TET3: variants seen among roughly 807,000 people sequenced by gnomAD.
The protein encoded by TET3 is tet methylcytosine dioxygenase 3, also known as methylcytosine dioxygenase TET3.
Under a neutral mutation model 141.4 loss-of-function variants are expected in TET3, and 19 were observed. The ratio of observed to expected loss-of-function variants is 0.13; its 90% confidence interval spans 0.09 to 0.20. TET3 has a LOEUF of 0.20. Among genes scored for constraint, TET3 ranks in the 10% least tolerant of loss-of-function variants. TET3 has a pLI of 1.00. For missense variants in TET3, 1,874 were observed against 2,356.9 expected, an observed-to-expected ratio of 0.80 and a Z score of 4.24; for synonymous variants, 1,043 against 980.9, an observed-to-expected ratio of 1.06 and a Z score of -1.18.
chr2:74,060,543 T>A (rs1018687809), intron 4 of TET3, among the ~76,000 whole-genome samples: 4 of 152,156 alleles, frequency 2.6e-5, no homozygotes, highest in Admixed American at 6.5e-5. Context: ...TATTTTTTTT[T>A]ATTGATCATT....
the TET3 span, among the ~76,000 whole-genome samples, chr2:74,125,148 A>AT: frequency 6.6e-6 from 1 of 152,046 alleles, no homozygotes; most frequent in Non-Finnish European, 1.5e-5. Context: ...CTGGGATTAC[A>AT]GGTGCCTGCC....
intron 4 of TET3, among the ~76,000 whole-genome samples, chr2:74,063,043 C>G (rs980175557): frequency 3.3e-5 from 5 of 151,978 alleles, no homozygotes; most frequent in African/African-American, 1.2e-4. Context: ...ACCACCACGC[C>G]TGGCTAATTT....
rs768114828 is a variant in TET3, at chr2:74,047,169, G to A, written c.1252G>A (p.Ala418Thr). The change falls in exon 4 of 12, where the codon GCT becomes ACT. Residue 418 changes from alanine to threonine, a missense_variant. Ala to Thr is a moderately conservative substitution (Grantham distance 58). This residue lies in a region of TET3 where 484 missense variants were observed against 462.2 expected (regional missense o/e 1.05). Transcript: ENST00000409262. ...VVPPEEHSSFAPDSSAFPPAT... is the reference protein window; with the variant it reads ...VVPPEEHSSFTPDSSAFPPAT... Reference sequence around the variant, plus strand: ...TCCTCCTGAAGAGCACTCATCTTTTGCTCCTGATAGCTCTGCCTTCCCTCC... The same window carrying A: ...TCCTCCTGAAGAGCACTCATCTTTTACTCCTGATAGCTCTGCCTTCCCTCC... 6 of 1,613,902 alleles carry A rather than the reference G, an allele frequency of 3.7e-6. No individual in the cohort carries two copies. In the African/African-American group the frequency reaches 8.0e-5, roughly 22 times the overall value.
At chr2:73,984,515 GC>G (rs943833080), upstream of TET3, among the ~76,000 whole-genome samples, 6 of 152,062 alleles carry the variant, frequency 3.9e-5, no homozygotes, top group Admixed American at 3.3e-4. This position sits in a 1 kb window ranked among gnomAD's most constrained non-coding sequence, Gnocchi z 5.6. Flanking sequence ...GACAGATCTG[GC>G]CCGCAGGGAG....
At chr2:74,119,585 C>A in the TET3 span, among the ~76,000 whole-genome samples, 1 of 152,140 alleles carries the variant, frequency 6.6e-6, no homozygotes, top group South Asian at 2.1e-4. Flanking sequence ...AAGGCAATGT[C>A]CAGCAAATGT....
chr2:73,994,759 T>C (rs1684505120), intron 2 of TET3, among the ~76,000 whole-genome samples: 1 of 150,846 alleles, frequency 6.6e-6, no homozygotes, highest in Admixed American at 6.6e-5. Context: ...TGCCTCATTC[T>C]CCTAGGTAGC....
intron 3 of TET3, among the ~76,000 whole-genome samples, chr2:74,011,182 C>G (rs944197198): frequency 1.4e-5 from 2 of 138,718 alleles, no homozygotes; most frequent in East Asian, 4.3e-4. Flanking sequence ...GGGCCAAGAT[C>G]GTGCCACTGC....
chr2:74,069,157 A>T (rs572045617), intron 4 of TET3, among the ~76,000 whole-genome samples: 97 of 141,684 alleles, frequency 6.8e-4, no homozygotes, highest in Admixed American at 1.1e-3. Flanking sequence ...TTTTTTTTTT[A>T]TTTTAATCTT....
the TET3 span, among the ~76,000 whole-genome samples, chr2:74,127,529 T>C: frequency 2.0e-5 from 3 of 152,132 alleles, no homozygotes; most frequent in Non-Finnish European, 2.9e-5. Flanking sequence ...ACCAAACGAA[T>C]TGGAGACAGA....
intron 4 of TET3, among the ~76,000 whole-genome samples, chr2:74,056,758 A>C (rs889645811): frequency 1.3e-5 from 2 of 152,240 alleles, no homozygotes. Flanking sequence ...GAACCAAATC[A>C]ATAAAAATAG....
In TET3 at chr2:74,099,670, C is replaced by T. The variant is rs973253513; in HGVS notation, c.3604+58C>T. 3 of 1,456,574 alleles carry T rather than the reference C, an allele frequency of 2.1e-6. No individual in the cohort carries two copies. In the East Asian group the frequency reaches 7.5e-5, roughly 36 times the overall value. 90.2% of individuals were successfully genotyped at this position (1,456,574 alleles called of 1,614,324 possible). A position where few individuals can be genotyped will look rare whatever the true frequency, so the allele number is the denominator to read the frequency against. On this transcript the variant is annotated intron_variant, in intron 11 of 11. Coordinates refer to ENST00000409262, the MANE Select transcript of TET3 (RefSeq NM_001287491.2). ...CAATGGCACTGTCCTCATGGGGGCC[C>T]CTGCTCTTCCACGCACCCTCCTGCA... is the stretch of plus-strand genomic sequence containing the variant.
chr2:74,101,457 T>A lies in TET3; in HGVS notation c.4669T>A (p.Trp1557Arg), dbSNP rs759892078. The change falls in exon 12 of 12, where the codon TGG (tryptophan) becomes AGG (arginine). Residue 1557 changes from tryptophan (W) to arginine (R), a missense_variant. Physicochemically the swap from Trp to Arg is moderately radical, Grantham distance 101. Coordinates refer to ENST00000409262, the MANE Select transcript of TET3 (RefSeq NM_001287491.2). This position sits in a 1 kb window ranked among gnomAD's most constrained non-coding sequence, Gnocchi z 8.5. ...TAGTCCTGGGTTCCAAGACAAGCTG[T>A]GGAACCCCATGAAAGGAGAGGAGGG... is the stretch of plus-strand genomic sequence containing the variant. The part of the protein sequence containing the change: ...KGSPGFQDKL[W>R]NPMKGEEGRI... The A allele has an allele frequency of 1.9e-6, 3 of 1,613,568 alleles. No individual in the cohort carries two copies. In the East Asian group the frequency reaches 6.7e-5, roughly 36 times the overall value.
intron 4 of TET3, among the ~76,000 whole-genome samples, chr2:74,051,920 A>C (rs1687965934): frequency 6.6e-6 from 1 of 152,224 alleles, no homozygotes; most frequent in Non-Finnish European, 1.5e-5. Flanking sequence ...ACCAACGAAG[A>C]GATTTGCTCT....
At chr2:74,038,013 G>A (rs1687157084) in intron 3 of TET3, among the ~76,000 whole-genome samples, 1 of 152,176 alleles carries the variant, frequency 6.6e-6, no homozygotes. Flanking sequence ...GGAGTCCCCT[G>A]GGTGGGGAGA....
At chr2:74,015,398 C>T (rs956200748) in intron 3 of TET3, among the ~76,000 whole-genome samples, 2 of 152,078 alleles carry the variant, frequency 1.3e-5, no homozygotes, top group Non-Finnish European at 2.9e-5. Context: ...CTTCTCCATC[C>T]CAGTATAATC....
rs549825387 is a variant in TET3, at chr2:74,019,930, A to G, written c.360+16764A>G. ...GGGAGAACTGCTTTCTTAGCTTCCA[A>G]TCATTTCAAGGTAGCACAAACAAAC... On this transcript the variant is annotated intron_variant, in intron 3 of 11. Transcript: ENST00000409262. 4.9e-4 allele frequency among the ~76,000 whole-genome samples: 75 copies of G among 152,270 alleles called. 1 individual carries two copies. The highest frequency in any genetic ancestry group is 1.1e-3 in the Admixed American group (17 of 15,302).
chr2:74,050,883 A>G (rs1687908306), intron 4 of TET3, among the ~76,000 whole-genome samples: 2 of 151,824 alleles, frequency 1.3e-5, no homozygotes. Context: ...AAAAAACAAC[A>G]ATAAAATATT....
At chr2:74,055,904 C>T (rs958142736) in intron 4 of TET3, among the ~76,000 whole-genome samples, 6 of 151,982 alleles carry the variant, frequency 3.9e-5, no homozygotes, top group Non-Finnish European at 8.8e-5. Context: ...TGCAGAGTCC[C>T]GATCAACACG....
At chr2:74,027,570 T>C (rs1050740506) in intron 3 of TET3, among the ~76,000 whole-genome samples, 6 of 152,276 alleles carry the variant, frequency 3.9e-5, no homozygotes, top group Middle Eastern at 3.4e-3. Context: ...TATCTTTCTG[T>C]CTCTGTGGAT....
Sources: allele counts gnomAD v4.1 joint callset (sites outside exome capture counted in the v4.1 genomes callset), GRCh38; gene constraint gnomAD v4.1.1; regional missense constraint gnomAD v4.1.1; non-coding constraint Gnocchi (gnomAD v3.1); transcripts MANE v1.5; gene names NCBI Gene and HGNC (gene_info 2026-07-23, HGNC 2026-07-21).